Variants in LUZP2 observed in about 807,000 individuals in gnomAD.
The protein encoded by LUZP2 is leucine zipper protein 2.
In LUZP2, 52 loss-of-function variants were observed where a neutral mutation model predicts 51.6. The observed-to-expected ratio is 1.01, with a 90% confidence interval of 0.81 to 1.27. The LOEUF (loss-of-function observed/expected upper bound fraction) is 1.27, where lower values mean the gene tolerates loss of function less well. LUZP2 is among the 50% of genes most tolerant of loss of function. The pLI is 0.00. For missense variants in LUZP2, 436 were observed against 395.4 expected (o/e 1.10, Z -0.87); for synonymous variants, 154 against 137.3 (o/e 1.12, Z -0.85).
rs1565120199 is a variant in LUZP2 at position 24,926,503 on chromosome 11, G to GTC, written c.522+11966_522+11967insCT. Among the ~76,000 whole-genome samples the GTC allele has an allele frequency of 2.2e-3, 216 of 98,178 alleles. 1 individual carries two copies. Among genetic ancestry groups the GTC allele is most frequent in the African/African-American group, 9.1e-3 (208 of 22,820 alleles). 64.4% of individuals were successfully genotyped at this position (98,178 alleles called of 152,430 possible). On this transcript the variant is annotated intron_variant, in intron 7 of 11. Transcript: ENST00000336930. Reference sequence around the variant, plus strand: ...TGTGTGTATATATATGTGTATATATGTGTGTGTATATACGTGTATATATGT... The same window carrying GTC: ...TGTGTGTATATATATGTGTATATATGTCTGTGTGTATATACGTGTATATATGT...
At chr11:24,802,419 T>C (rs1014448165) in intron 5 of LUZP2, among the ~76,000 whole-genome samples, 2 of 152,068 alleles carry the variant, frequency 1.3e-5, no homozygotes, top group Admixed American at 6.6e-5. Context: ...CACATTTATG[T>C]TGGGTTTCTA....
chr11:25,062,255 C>A (rs1313810076), intron 10 of LUZP2, among the ~76,000 whole-genome samples: 1 of 150,638 alleles, frequency 6.6e-6, no homozygotes, highest in Admixed American at 6.6e-5. Context: ...ACAACAATGG[C>A]CAAACAGATA....
chr11:24,574,638 C>T (rs2133808740), intron 1 of LUZP2, among the ~76,000 whole-genome samples: 1 of 152,082 alleles, frequency 6.6e-6, no homozygotes, highest in South Asian at 2.1e-4. Context: ...ATTTCTTGAG[C>T]ACTGGGGTGA....
chr11:25,001,810 CT>C (rs1856688827), intron 9 of LUZP2, among the ~76,000 whole-genome samples: 2 of 151,982 alleles, frequency 1.3e-5, no homozygotes, highest in South Asian at 4.2e-4. Context: ...TCTCTGTCTC[CT>C]TCTCTTTGAC....
chr11:24,910,057 G>T (rs572953075), intron 6 of LUZP2, among the ~76,000 whole-genome samples: 1 of 152,134 alleles, frequency 6.6e-6, no homozygotes. Flanking sequence ...TTGGGAACTG[G>T]AACAAAGGTG....
intron 1 of LUZP2, among the ~76,000 whole-genome samples, chr11:24,637,534 C>A (rs562973238): frequency 6.6e-6 from 1 of 151,748 alleles, no homozygotes; most frequent in African/African-American, 2.4e-5. Flanking sequence ...TTGCAGAAAG[C>A]GAGTAGGAGA....
chr11:25,070,698 G>A (rs934353342), intron 10 of LUZP2, among the ~76,000 whole-genome samples: 1 of 151,284 alleles, frequency 6.6e-6, no homozygotes, highest in Non-Finnish European at 1.5e-5. Flanking sequence ...AACATTTAAA[G>A]ATCATATGTT....
intron 1 of LUZP2, among the ~76,000 whole-genome samples, chr11:24,692,534 T>G (rs1233925990): frequency 6.6e-6 from 1 of 152,050 alleles, no homozygotes; most frequent in African/African-American, 2.4e-5. Flanking sequence ...ACTTTTTTGT[T>G]ACACTGTAAC....
chr11:24,620,752 C>T (rs1371805092), intron 1 of LUZP2, among the ~76,000 whole-genome samples: 1 of 152,194 alleles, frequency 6.6e-6, no homozygotes, highest in Non-Finnish European at 1.5e-5. Flanking sequence ...TATGCACACA[C>T]TCTCACACAC....
At chr11:24,953,974 C>A (rs1303606698) in intron 7 of LUZP2, among the ~76,000 whole-genome samples, 1 of 151,570 alleles carries the variant, frequency 6.6e-6, no homozygotes, top group Non-Finnish European at 1.5e-5. Flanking sequence ...AATGGTTCAA[C>A]TATTAAAGCA....
At chr11:24,683,891 C>T in intron 1 of LUZP2, among the ~76,000 whole-genome samples, 1 of 151,904 alleles carries the variant, frequency 6.6e-6, no homozygotes, top group Non-Finnish European at 1.5e-5. Context: ...AAACAGAACC[C>T]ACCATCCCTT....
chr11:24,918,445 C>T (rs1247914127), intron 7 of LUZP2, among the ~76,000 whole-genome samples: 1 of 151,820 alleles, frequency 6.6e-6, no homozygotes, highest in Non-Finnish European at 1.5e-5. Context: ...CAGTTTTTGC[C>T]GATTCAGTAG....
chr11:25,025,027 GA>G (rs1857446919), intron 9 of LUZP2, among the ~76,000 whole-genome samples: 1 of 151,842 alleles, frequency 6.6e-6, no homozygotes, highest in African/African-American at 2.4e-5. Context: ...ACAAACCTGA[GA>G]AAAACAAGCA....
chr11:24,661,617 G>A (rs919794983), intron 1 of LUZP2, among the ~76,000 whole-genome samples: 4 of 152,098 alleles, frequency 2.6e-5, no homozygotes, highest in African/African-American at 9.7e-5. Flanking sequence ...GGACCACTGA[G>A]CTCAGTTTTT....
At chr11:25,047,778 G>A (rs965182451) in intron 9 of LUZP2, among the ~76,000 whole-genome samples, 1 of 151,912 alleles carries the variant, frequency 6.6e-6, no homozygotes, top group Non-Finnish European at 1.5e-5. Context: ...TGCTGACAGG[G>A]GCTCTAGCCA....
intron 1 of LUZP2, among the ~76,000 whole-genome samples, chr11:24,510,383 T>C (rs1278287303): frequency 6.6e-6 from 1 of 152,252 alleles, no homozygotes; most frequent in Non-Finnish European, 1.5e-5. Flanking sequence ...TATATTGTCT[T>C]GGGTACATTT....
rs537303064 is a variant in LUZP2 at position 25,025,308 on chromosome 11, A to C, written c.766-24730A>C. Among the ~76,000 whole-genome samples the C allele has an allele frequency of 3.3e-5, 5 of 152,278 alleles. No homozygotes were observed. In the East Asian group the frequency reaches 9.7e-4, roughly 29 times the overall value. On this transcript the variant is annotated intron_variant, in intron 9 of 11. Transcript: ENST00000336930. ...AAAATTGACAAATGGGATCTAATTA[A>C]ACTAAAGAGCTTCTGCACAGCAAAA...
chr11:24,537,416 A>G (rs1271662589), intron 1 of LUZP2, among the ~76,000 whole-genome samples: 1 of 151,994 alleles, frequency 6.6e-6, no homozygotes, highest in Non-Finnish European at 1.5e-5. Context: ...AAGCCTACTG[A>G]TCTAAATACA....
At chr11:24,944,799 C>A (rs189790972) in intron 7 of LUZP2, among the ~76,000 whole-genome samples, 1 of 152,186 alleles carries the variant, frequency 6.6e-6, no homozygotes, top group African/African-American at 2.4e-5. Context: ...AAAGCTGAGA[C>A]CTGTAGTCAG....
Sources: allele counts gnomAD v4.1 joint callset (sites outside exome capture counted in the v4.1 genomes callset), GRCh38; gene constraint gnomAD v4.1.1; transcripts MANE v1.5; gene names NCBI Gene and HGNC (gene_info 2026-07-23, HGNC 2026-07-21).